The following RHBDD2 variants were observed in gnomAD, a reference collection of about 807,000 sequenced individuals.
RHBDD2 encodes rhomboid domain-containing protein 2.
Under a neutral mutation model 21.7 loss-of-function variants are expected in RHBDD2, and 13 were observed. The ratio of observed to expected loss-of-function variants is 0.60; its 90% CI spans 0.39 to 0.95. RHBDD2 has a LOEUF of 0.95. Ranked by LOEUF, RHBDD2 falls within the 40% of genes least tolerant of loss-of-function variation. The pLI is 0.00. For missense variants in RHBDD2, 473 were observed against 478.9 expected, an observed-to-expected ratio of 0.99 and a Z score of 0.11; for synonymous variants, 225 against 220.0, an observed-to-expected ratio of 1.02 and a Z score of -0.20.
At position 75,888,347 on chromosome 7, in the gene RHBDD2, TGA is replaced by T; in HGVS notation, c.*3_*4del. The T allele has an allele frequency of 6.2e-7, 1 of 1,605,888 alleles. No individual in the cohort carries two copies. The highest frequency in any genetic ancestry group is 8.5e-7 in the Non-Finnish European group (1 of 1,177,168). On this transcript the variant is annotated frameshift_variant and stop_lost, in exon 4 of 4. Transcript: ENST00000006777. LOFTEE classifies it high-confidence loss of function. ...SKESSRVPMP[*>X] ...GGAGTCCTCCAGGGTCCCCATGCCC[TGA>T]GAGAATTTCTAGGGAAGTCATCTCA... is the stretch of plus-strand genomic sequence containing the variant.
At chr7:75,881,726 C>T (rs2115995609) in intron 1 of RHBDD2, 103 bp from the exon 2 acceptor site, 2 of 1,219,650 alleles carry the variant, frequency 1.6e-6, no homozygotes, top group Non-Finnish European at 2.3e-6. Context: ...TCTCACTTCT[C>T]TGTCACGGAG....
intron 2 of RHBDD2, among the ~76,000 whole-genome samples, chr7:75,882,752 T>C (rs1160652739): frequency 1.3e-5 from 2 of 152,218 alleles, no homozygotes; most frequent in Non-Finnish European, 2.9e-5. Context: ...TGTTGACTTT[T>C]GTTCTGATAG....
At chr7:75,881,786 G>A (rs1554542552) in intron 1 of RHBDD2, 43 bp from the exon 2 acceptor site, 1 of 1,546,142 alleles carries the variant, frequency 6.5e-7, no homozygotes, top group East Asian at 2.3e-5. Flanking sequence ...TTCCCTCCTG[G>A]GAGCAACCCG....
intron 1 of RHBDD2, among the ~76,000 whole-genome samples, chr7:75,879,930 C>T (rs1805218993): frequency 6.6e-6 from 1 of 152,132 alleles, no homozygotes; most frequent in African/African-American, 2.4e-5. Context: ...CCGTGTCTTC[C>T]TCATTTTCTC....
chr7:75,882,072 C>T lies in RHBDD2; in HGVS notation c.422C>T (p.Ala141Val), dbSNP rs1554542691. The T allele has an allele frequency of 6.2e-7, 1 of 1,614,150 alleles. No individual in the cohort carries two copies. The change falls in exon 2 of 4, where the codon GCC becomes GTC. Residue 141 changes from alanine to valine, a missense_variant. Ala to Val is a moderately conservative substitution (Grantham distance 64, BLOSUM62 0). Transcript: ENST00000006777. Reference protein sequence around the residue: ...DARGFTPVAFAMLGVTTVRSR... With the variant: ...DARGFTPVAFVMLGVTTVRSR... ...AGAGGTTTCACCCCAGTGGCCTTTG[C>T]CATGCTGGGAGTCACCACCGTCCGT...
At chr7:75,881,748 G>A in intron 1 of RHBDD2, 81 bp from the exon 2 acceptor site, 5 of 1,389,696 alleles carry the variant, frequency 3.6e-6, no homozygotes, top group Non-Finnish European at 4.9e-6. Context: ...GGGGCTCTCT[G>A]CCTTTCCTAG....
At chr7:75,883,614 G>T in intron 2 of RHBDD2, 84 bp from the exon 3 acceptor site, 1 of 1,213,300 alleles carries the variant, frequency 8.2e-7, no homozygotes. Flanking sequence ...TCTGTAGAGT[G>T]AGTGGGAACC....
chr7:75,887,156 T>TA (rs1256751258), intron 3 of RHBDD2, among the ~76,000 whole-genome samples: 10 of 149,572 alleles, frequency 6.7e-5, no homozygotes, highest in Non-Finnish European at 1.3e-4. Context: ...TTTTTTTTTT[T>TA]ACACATGGTC....
In RHBDD2 at chr7:75,879,069, G is replaced by A. The variant is rs782805148; in HGVS notation, c.-14G>A. The stretch of plus-strand genomic sequence containing the variant: ...CAGCCGGCGTCGAGGCGGGGCGCGG[G>A]AACGACGGCGGCCATGGCGGCCTCG... On this transcript the variant is annotated 5_prime_UTR_variant, in exon 1 of 4. Coordinates refer to ENST00000006777, the MANE Select transcript of RHBDD2 (RefSeq NM_001040456.3). 8.1e-6 allele frequency: 11 copies of A among 1,365,744 alleles called. No homozygotes were observed. The Admixed American group carries it at 1.9e-4, about 24-fold the overall frequency. 84.6% of individuals were successfully genotyped at this position (1,365,744 alleles called of 1,614,324 possible). A position where few individuals can be genotyped will look rare whatever the true frequency, so the allele number is the denominator to read the frequency against.
At chr7:75,884,459 C>G (rs1805532985) in intron 3 of RHBDD2, among the ~76,000 whole-genome samples, 1 of 152,096 alleles carries the variant, frequency 6.6e-6, no homozygotes, top group Admixed American at 6.6e-5. Flanking sequence ...GGTCTCAATC[C>G]ATCCTTCCTT....
chr7:75,880,777 G>A (rs1805278135), intron 1 of RHBDD2, among the ~76,000 whole-genome samples: 1 of 152,200 alleles, frequency 6.6e-6, no homozygotes, highest in African/African-American at 2.4e-5. Context: ...CCAGGCTGGA[G>A]TGCAGAGATG....
In RHBDD2 at chr7:75,881,267, G is replaced by A. The variant is rs549358824; in HGVS notation, c.179-562G>A. On this transcript the variant is annotated intron_variant, in intron 1 of 3. Transcript: ENST00000006777. ...TGAGATCGGATAAGCACTTTCTGAG[G>A]AGACTTATAATTTCTATAATCTTTA... 118 of 1,067,326 alleles carry A rather than the reference G, an allele frequency of 1.1e-4. No homozygotes were observed. The African/African-American group carries it at 1.8e-3, about 17-fold the overall frequency. The allele number at this position is 1,067,326 out of a possible 1,614,324, so 66.1% of individuals were successfully genotyped here. A position where few individuals can be genotyped will look rare whatever the true frequency, so the allele number is the denominator to read the frequency against.
chr7:75,880,367 C>G (rs1554542260), intron 1 of RHBDD2: 1 of 152,168 alleles, frequency 6.6e-6, no homozygotes, highest in African/African-American at 2.4e-5. Context: ...CTGTTCCCCC[C>G]ACCCTAGGTA....
chr7:75,888,103 G>A lies in RHBDD2; in HGVS notation c.849G>A (p.Trp283Ter). The change falls in exon 4 of 4, where the codon TGG becomes TGA. Residue 283 changes from tryptophan to a stop codon, truncating the protein, a stop_gained. Transcript: ENST00000006777. LOFTEE classifies it low-confidence loss of function (END_TRUNC). ...QHASGQKLAS[W>*]PSCTPGHMPT... ...CCAGTGGTCAGAAGCTGGCCTCCTG[G>A]CCCTCCTGCACCCCCGGGCACATGC... 1 of 1,613,748 alleles carries A rather than the reference G, an allele frequency of 6.2e-7. No homozygotes were observed. The highest frequency in any genetic ancestry group is 8.5e-7 in the Non-Finnish European group (1 of 1,180,026).
intron 2 of RHBDD2, 30 bp from the exon 3 acceptor site, chr7:75,883,668 C>T (rs1489587118): frequency 1.2e-6 from 2 of 1,607,468 alleles, no homozygotes; most frequent in Admixed American, 1.7e-5. Context: ...CCTTTGCTGC[C>T]TCCAGTTTCA....
rs1805834263 is a variant in RHBDD2, at chr7:75,888,478, G to A, written c.*129G>A. ...GTTGGGTACTTTGATCAATGCCCCT[G>A]TTTCAGTCTCATCTGTACTCACGGC... On this transcript the variant is annotated 3_prime_UTR_variant, in exon 4 of 4. Coordinates refer to ENST00000006777, the MANE Select transcript of RHBDD2 (RefSeq NM_001040456.3). The A allele has an allele frequency of 1.3e-6, 1 of 755,142 alleles. No homozygotes were observed. Among genetic ancestry groups the A allele is most frequent in the Admixed American group, 2.4e-5 (1 of 42,090 alleles). The allele number at this position is 755,142 out of a possible 1,614,324, so 46.8% of individuals were successfully genotyped here. A position where few individuals can be genotyped will look rare whatever the true frequency, so the allele number is the denominator to read the frequency against.
intron 2 of RHBDD2, among the ~76,000 whole-genome samples, chr7:75,883,032 A>T (rs1272884625): frequency 6.6e-6 from 1 of 152,120 alleles, no homozygotes; most frequent in Non-Finnish European, 1.5e-5. Context: ...ACGAGGTGTT[A>T]GTCCCTCAGG....
chr7:75,881,283 A>G (rs1404617968), intron 1 of RHBDD2: 5 of 1,175,956 alleles, frequency 4.3e-6, no homozygotes, highest in Non-Finnish European at 4.5e-6. Flanking sequence ...TATAATTTCT[A>G]TAATCTTTAT....
rs201516311 is a variant in RHBDD2, at chr7:75,881,885, G to A, written c.235G>A (p.Gly79Ser). ...VYENPISLLC[G>S]AIIIWRFAGN... The stretch of plus-strand genomic sequence containing the variant: ...CGAGAATCCCATCTCCCTGCTCTGC[G>A]GCGCTATCATCATCTGGCGCTTTGC... The change falls in exon 2 of 4, where the codon GGC becomes AGC. Residue 79 changes from glycine (G) to serine (S), a missense_variant. Coordinates refer to ENST00000006777, the MANE Select transcript of RHBDD2 (RefSeq NM_001040456.3). 115 of 1,613,918 alleles carry A rather than the reference G, an allele frequency of 7.1e-5. No homozygotes were observed. The highest frequency in any genetic ancestry group is 4.6e-5 in the Non-Finnish European group (54 of 1,179,942).
Sources: gnomAD v4.1 joint callset for allele counts (sites outside exome capture counted in the v4.1 genomes callset) on GRCh38, gnomAD v4.1.1 for gene constraint, MANE v1.5 for transcripts, NCBI Gene and HGNC (gene_info 2026-07-23, HGNC 2026-07-21) for gene names.